The following SBF2 variants were observed in gnomAD, a reference collection of about 807,000 sequenced individuals.
The protein encoded by SBF2 is SET binding factor 2, also known as myotubularin-related protein 13.
In SBF2, 112 loss-of-function variants were observed where a neutral mutation model predicts 225.2. The ratio of observed to expected loss-of-function variants is 0.50; its 90% CI spans 0.43 to 0.58. The LOEUF (loss-of-function observed/expected upper bound fraction) is 0.58, where lower values mean the gene tolerates loss of function less well. SBF2 is among the 20% of genes least tolerant of loss of function. The probability of loss-of-function intolerance (pLI) is 0.00; values close to 1 mark genes in which losing one functional copy is unlikely to be tolerated. For missense variants in SBF2, 1,996 were observed against 2,206.2 expected, an observed-to-expected ratio of 0.90 and a Z score of 1.91; for synonymous variants, 763 against 773.3, an observed-to-expected ratio of 0.99 and a Z score of 0.22.
intron 3 of SBF2, among the ~76,000 whole-genome samples, chr11:10,038,998 G>A (rs1188127893): frequency 1.3e-5 from 2 of 151,800 alleles, no homozygotes; most frequent in African/African-American, 4.8e-5. Flanking sequence ...ACATTACCTA[G>A]TTGAGTAATT....
At chr11:10,198,783 T>C (rs1199394658) in intron 1 of SBF2, among the ~76,000 whole-genome samples, 2 of 152,228 alleles carry the variant, frequency 1.3e-5, no homozygotes, top group Non-Finnish European at 2.9e-5. Context: ...CCTTGCACTT[T>C]CATGTTATAG....
chr11:10,154,375 C>T (rs575883478), intron 2 of SBF2, among the ~76,000 whole-genome samples: 7 of 151,874 alleles, frequency 4.6e-5, no homozygotes, highest in African/African-American at 9.7e-5. Context: ...GAAATAGTTT[C>T]GGTATTTTCT....
At chr11:10,089,380 C>T (rs774463412) in intron 2 of SBF2, among the ~76,000 whole-genome samples, 3 of 152,208 alleles carry the variant, frequency 2.0e-5, no homozygotes, top group Non-Finnish European at 4.4e-5. Flanking sequence ...AAACAACCTA[C>T]ATGCCAATAA....
chr11:10,241,817 AT>A (rs1393853445), intron 1 of SBF2, among the ~76,000 whole-genome samples: 1 of 152,056 alleles, frequency 6.6e-6, no homozygotes, highest in East Asian at 1.9e-4. Context: ...AACCATCTAA[AT>A]AAAAAATTAC....
At chr11:9,941,688 C>T (rs1865260725) in intron 16 of SBF2, among the ~76,000 whole-genome samples, 1 of 152,132 alleles carries the variant, frequency 6.6e-6, no homozygotes, top group South Asian at 2.1e-4. Context: ...TCTACCAAAA[C>T]TTCTAGCACA....
At chr11:10,074,987 A>T (rs1951037743) in intron 2 of SBF2, among the ~76,000 whole-genome samples, 1 of 152,262 alleles carries the variant, frequency 6.6e-6, no homozygotes, top group Non-Finnish European at 1.5e-5. Flanking sequence ...GAACGTGTTA[A>T]CATTTAAAGC....
chr11:9,840,813 G>A (rs1856079952), intron 25 of SBF2, among the ~76,000 whole-genome samples: 1 of 152,022 alleles, frequency 6.6e-6, no homozygotes, highest in Non-Finnish European at 1.5e-5. Flanking sequence ...TGTGGTGTAC[G>A]TGGGAAATCC....
intron 26 of SBF2, among the ~76,000 whole-genome samples, chr11:9,832,629 CA>C (rs1441810059): frequency 1.3e-5 from 2 of 152,142 alleles, no homozygotes; most frequent in African/African-American, 4.8e-5. Context: ...TTTGTAGAGA[CA>C]GGGTCTCACT....
Position 9,840,344 on chromosome 11 carries a change from A to C in SBF2, c.3257-648T>G, listed in dbSNP as rs571241527. On this transcript the variant is annotated intron_variant, in intron 25 of 39. Transcript: ENST00000256190. ...GGATGACAAGTATTATGTATATCAC[A>C]AATTAAATCATGTAACTTCTGTGAG... is the stretch of plus-strand genomic sequence containing the variant. 2.0e-5 allele frequency among the ~76,000 whole-genome samples: 3 copies of C among 152,336 alleles called. No homozygotes were observed. The South Asian group carries it at 6.2e-4, about 32-fold the overall frequency.
intron 6 of SBF2, among the ~76,000 whole-genome samples, chr11:10,011,240 T>G (rs1209974591): frequency 6.6e-6 from 1 of 152,198 alleles, no homozygotes; most frequent in Admixed American, 6.5e-5. Context: ...TTTTATTGTT[T>G]TTTTGAGACA....
At chr11:10,260,142 A>T (rs1961282219) in intron 1 of SBF2, among the ~76,000 whole-genome samples, 1 of 152,218 alleles carries the variant, frequency 6.6e-6, no homozygotes, top group Non-Finnish European at 1.5e-5. Flanking sequence ...AAAAAATTTT[A>T]AAAGGCCACA....
intron 28 of SBF2, among the ~76,000 whole-genome samples, chr11:9,826,543 C>T (rs994296942): frequency 1.3e-5 from 2 of 152,050 alleles, no homozygotes; most frequent in Non-Finnish European, 2.9e-5. Flanking sequence ...CACTTACTTT[C>T]TAACCTCAGA....
chr11:10,002,761 T>C lies in SBF2; in HGVS notation c.620-72A>G, dbSNP rs1294651805. ...GTGTTGTCAACAATCATAGACAGTATACACGGAAAGAAAAAGCCAGTAATT... is the reference window on the plus strand; with the variant it reads ...GTGTTGTCAACAATCATAGACAGTACACACGGAAAGAAAAAGCCAGTAATT... On this transcript the variant is annotated intron_variant, in intron 6 of 39. Coordinates refer to ENST00000256190, the MANE Select transcript of SBF2 (RefSeq NM_030962.4). 182 of 1,453,314 alleles carry C rather than the reference T, an allele frequency of 1.3e-4. 1 individual carries two copies. Among genetic ancestry groups the C allele is most frequent in the Non-Finnish European group, 1.7e-5 (18 of 1,040,234 alleles). The allele number at this position is 1,453,314 out of a possible 1,614,324, so 90.0% of individuals were successfully genotyped here. A position where few individuals can be genotyped will look rare whatever the true frequency, so the allele number is the denominator to read the frequency against.
intron 16 of SBF2, among the ~76,000 whole-genome samples, chr11:9,917,208 C>T (rs925406782): frequency 1.3e-5 from 2 of 151,704 alleles, no homozygotes; most frequent in Non-Finnish European, 2.9e-5. Context: ...CATTTTCTTC[C>T]TAATTGCAGA....
chr11:10,245,896 G>A (rs1318712469), intron 1 of SBF2, among the ~76,000 whole-genome samples: 1 of 152,086 alleles, frequency 6.6e-6, no homozygotes, highest in East Asian at 1.9e-4. Flanking sequence ...AGACCCAGAA[G>A]GACAAATACC....
intron 16 of SBF2, among the ~76,000 whole-genome samples, chr11:9,923,689 G>C (rs1289058180): frequency 2.0e-5 from 3 of 152,182 alleles, no homozygotes; most frequent in South Asian, 2.1e-4. Context: ...AATTGCAGGA[G>C]GAAGGGTTTA....
chr11:10,029,014 G>C (rs954927144), intron 5 of SBF2, among the ~76,000 whole-genome samples: 22 of 151,988 alleles, frequency 1.4e-4, no homozygotes, highest in African/African-American at 4.8e-4. Flanking sequence ...AGATAGAAGA[G>C]AAGTAAAAAG....
rs1857464225 is a variant in SBF2 at position 9,858,272 on chromosome 11, T to C, written c.2054A>G (p.Tyr685Cys). The change falls in exon 18 of 40, where the codon TAT (tyrosine) becomes TGT (cysteine). Residue 685 changes from tyrosine (Y) to cysteine (C), a missense_variant. Physicochemically the swap from Tyr to Cys is radical, Grantham distance 194. Coordinates refer to ENST00000256190, the MANE Select transcript of SBF2 (RefSeq NM_030962.4). Reference sequence around the variant, plus strand: ...ATGATTGTCTTCCTTGGCTGAGAGATAAAGGGAGCGAACCTGTTCCTGCAC... The same window carrying C: ...ATGATTGTCTTCCTTGGCTGAGAGACAAAGGGAGCGAACCTGTTCCTGCAC... ...NAVQEQVRSLYLSAKEDNHAP... is the reference protein window; with the variant it reads ...NAVQEQVRSLCLSAKEDNHAP... The C allele has an allele frequency of 6.2e-7, 1 of 1,614,166 alleles. No individual in the cohort carries two copies. Among genetic ancestry groups the C allele is most frequent in the African/African-American group, 1.3e-5 (1 of 75,034 alleles).
chr11:9,927,319 A>G (rs940340159), intron 16 of SBF2, among the ~76,000 whole-genome samples: 1 of 152,220 alleles, frequency 6.6e-6, no homozygotes, highest in African/African-American at 2.4e-5. Context: ...TAAGGAAGCA[A>G]TAATACCAAT....
Sources: allele counts gnomAD v4.1 joint callset (sites outside exome capture counted in the v4.1 genomes callset), GRCh38; gene constraint gnomAD v4.1.1; transcripts MANE v1.5; gene names NCBI Gene and HGNC (gene_info 2026-07-23, HGNC 2026-07-21).